Variants in PTPN3 observed in about 807,000 individuals in gnomAD.
The protein encoded by PTPN3 is protein tyrosine phosphatase non-receptor type 3.
PTPN3 carries 96 observed loss-of-function variants against 132.7 expected under a neutral mutation model. The ratio of observed to expected loss-of-function variants is 0.72; its 90% confidence interval spans 0.61 to 0.86. The LOEUF (loss-of-function observed/expected upper bound fraction) is 0.86. Ranked by LOEUF, PTPN3 falls within the 40% of genes least tolerant of loss-of-function variation. The probability of loss-of-function intolerance (pLI) is 0.00; values close to 1 mark genes in which losing one functional copy is unlikely to be tolerated. For synonymous variants in PTPN3, 398 were observed against 429.0 expected (o/e 0.93, Z 0.89); for missense variants, 1,125 against 1,159.6 (o/e 0.97, Z 0.43).
intron 1 of PTPN3, among the ~76,000 whole-genome samples, chr9:109,489,530 T>A (rs4978814): frequency 1.3e-5 from 2 of 152,016 alleles, no homozygotes; most frequent in Non-Finnish European, 2.9e-5. Context: ...AGTCCCGGCT[T>A]AGACCCGTCA....
intron 19 of PTPN3, among the ~76,000 whole-genome samples, chr9:109,396,495 T>C (rs902473584): frequency 6.6e-6 from 1 of 152,174 alleles, no homozygotes; most frequent in Non-Finnish European, 1.5e-5. Context: ...GATTCTGTCC[T>C]AGAATGGGAG....
chr9:109,479,407 T>A (rs995147297), intron 1 of PTPN3, among the ~76,000 whole-genome samples: 1 of 152,280 alleles, frequency 6.6e-6, no homozygotes, highest in Non-Finnish European at 1.5e-5. Context: ...TATCAATTCA[T>A]CTGTCATTGG....
intron 19 of PTPN3, among the ~76,000 whole-genome samples, chr9:109,394,747 CTT>C (rs1491097099): frequency 6.6e-6 from 1 of 152,130 alleles, no homozygotes; most frequent in African/African-American, 2.4e-5. Context: ...AAGACACAAT[CTT>C]GTGTGTGTAT....
At chr9:109,515,558 G>A in the PTPN3 span, among the ~76,000 whole-genome samples, 4 of 152,160 alleles carry the variant, frequency 2.6e-5, no homozygotes, top group Non-Finnish European at 4.4e-5. Context: ...TGCTATAAAG[G>A]AATACCTGAG....
chr9:109,520,769 A>G, the PTPN3 span, among the ~76,000 whole-genome samples: 1 of 152,212 alleles, frequency 6.6e-6, no homozygotes, highest in African/African-American at 2.4e-5. Context: ...GCGTCCACAG[A>G]AGGCCACAAT....
chr9:109,404,655 G>A, intron 18 of PTPN3, 47 bp from the exon 19 acceptor site: 1 of 1,378,084 alleles, frequency 7.3e-7, no homozygotes, highest in South Asian at 2.3e-5. Context: ...CAATACTCAG[G>A]TTTATCCGTC....
chr9:109,410,553 T>G (rs929170237), intron 14 of PTPN3, 138 bp from the exon 15 acceptor site: 1 of 961,606 alleles, frequency 1.0e-6, no homozygotes, highest in Admixed American at 2.5e-5. Flanking sequence ...TCAGCGGGAT[T>G]TGAGTACACC....
At chr9:109,410,510 T>A in intron 14 of PTPN3, 95 bp from the exon 15 acceptor site, 1 of 1,352,006 alleles carries the variant, frequency 7.4e-7, no homozygotes, top group Non-Finnish European at 1.0e-6. Context: ...CTGGGGGCTG[T>A]ATGTTTCCCT....
chr9:109,408,044 A>G (rs1395396092), intron 17 of PTPN3, among the ~76,000 whole-genome samples: 1 of 152,164 alleles, frequency 6.6e-6, no homozygotes, highest in African/African-American at 2.4e-5. Flanking sequence ...TTGAATGCAC[A>G]CTAACCACTC....
In PTPN3 at chr9:109,420,501, T is replaced by C. The variant is rs781217481; in HGVS notation, c.1236A>G (p.Val412=). ...EMTYITETED[V]FYTYKGSLAP... is the part of the protein sequence containing the mutation. ...CCAGAGAGCCCTTGTACGTGTAAAA[T>C]ACATCTTCCGTTTCCGTGATGTAGG... The change falls in exon 14 of 26, where the codon GTA becomes GTG. Residue 412 remains valine, a synonymous_variant. Coordinates refer to ENST00000374541, the MANE Select transcript of PTPN3 (RefSeq NM_002829.4). 5.0e-6 allele frequency: 8 copies of C among 1,613,704 alleles called. No homozygotes were observed. The highest frequency in any genetic ancestry group is 6.8e-6 in the Non-Finnish European group (8 of 1,179,966).
At chr9:109,523,344 G>C in the PTPN3 span, among the ~76,000 whole-genome samples, 1 of 152,122 alleles carries the variant, frequency 6.6e-6, no homozygotes, top group Non-Finnish European at 1.5e-5. Context: ...TCCATCTCTT[G>C]ACCTTGTGGT....
intron 1 of PTPN3, among the ~76,000 whole-genome samples, chr9:109,496,897 TG>T (rs1292795427): frequency 4.6e-5 from 7 of 152,196 alleles, no homozygotes; most frequent in African/African-American, 1.7e-4. Context: ...TGAGAAACCC[TG>T]ATCTAAATAA....
chr9:109,416,439 GTTTTTTTGTTTC>G (rs1564415424), intron 14 of PTPN3, among the ~76,000 whole-genome samples: 9 of 140,360 alleles, frequency 6.4e-5, no homozygotes, highest in Admixed American at 3.8e-4. Flanking sequence ...TTTGTTTTTT[GTTTTTTTGTTTC>G]TTTTTTTTTT....
chr9:109,449,425 T>C (rs901387505), intron 5 of PTPN3: 3 of 985,406 alleles, frequency 3.0e-6, no homozygotes, highest in Admixed American at 1.2e-4. Context: ...ATCAGTAAAC[T>C]AGAAGTTTCC....
chr9:109,492,787 A>G lies in PTPN3; in HGVS notation c.-18+5432T>C, dbSNP rs185495385. ...TATAACCTAAAACCAGTTTTATTTA[A>G]TAACTACTGAAACAAATTGCTGTGA... is the stretch of plus-strand genomic sequence containing the variant. On this transcript the variant is annotated intron_variant, in intron 1 of 25. Coordinates refer to ENST00000374541, the MANE Select transcript of PTPN3 (RefSeq NM_002829.4). Among the ~76,000 whole-genome samples the G allele has an allele frequency of 3.8e-3, 574 of 152,338 alleles. 14 individuals carry two copies. The highest frequency in any genetic ancestry group is 6.9e-4 in the Non-Finnish European group (47 of 68,032).
intron 12 of PTPN3, among the ~76,000 whole-genome samples, chr9:109,425,497 G>A (rs1430820482): frequency 6.6e-6 from 1 of 152,030 alleles, no homozygotes; most frequent in Admixed American, 6.6e-5. Context: ...GATCACCTGA[G>A]GTCAGGAGTT....
the PTPN3 span, among the ~76,000 whole-genome samples, chr9:109,519,803 G>C: frequency 1.3e-5 from 2 of 152,214 alleles, no homozygotes; most frequent in African/African-American, 4.8e-5. Flanking sequence ...TGACAGCCTT[G>C]TGAGGTATAT....
chr9:109,428,090 C>G (rs1248217984), intron 11 of PTPN3, among the ~76,000 whole-genome samples: 2 of 152,222 alleles, frequency 1.3e-5, no homozygotes, highest in East Asian at 3.8e-4. Flanking sequence ...TGGGAGGGAA[C>G]TGACCTTGCT....
intron 19 of PTPN3, among the ~76,000 whole-genome samples, chr9:109,399,937 T>G (rs1215374533): frequency 6.7e-6 from 1 of 148,436 alleles, no homozygotes; most frequent in African/African-American, 2.5e-5. Context: ...ACAACACAGT[T>G]ACCTTTTTTT....
Sources: allele counts gnomAD v4.1 joint callset (sites outside exome capture counted in the v4.1 genomes callset), GRCh38; gene constraint gnomAD v4.1.1; transcripts MANE v1.5; gene names NCBI Gene and HGNC (gene_info 2026-07-23, HGNC 2026-07-21).